NF1: variants seen among roughly 807,000 people sequenced by gnomAD.
NF1 encodes neurofibromin 1.
A neutral mutation model predicts 325.7 loss-of-function variants in NF1; 122 were observed. That is an observed-to-expected ratio of 0.37 (90% confidence interval 0.32 to 0.44). The LOEUF (loss-of-function observed/expected upper bound fraction) is 0.44. Among genes scored for constraint, NF1 ranks in the 20% least tolerant of loss-of-function variants. The probability of loss-of-function intolerance (pLI) is 1.00; values close to 1 mark genes in which losing one functional copy is unlikely to be tolerated. For missense variants in NF1, 2,140 were observed against 3,415.4 expected (o/e 0.63, Z 9.31); for synonymous variants, 1,091 against 1,186.0 (o/e 0.92, Z 1.65).
At chr17:31,364,166 T>C (rs1438229270) in intron 57 of NF1, among the ~76,000 whole-genome samples, 2 of 152,192 alleles carry the variant, frequency 1.3e-5, no homozygotes, top group East Asian at 1.9e-4. Flanking sequence ...AACATTTCCT[T>C]ATCTCCATTC....
chr17:31,116,488 A>G (rs1355890747), intron 1 of NF1, among the ~76,000 whole-genome samples: 1 of 152,098 alleles, frequency 6.6e-6, no homozygotes, highest in Non-Finnish European at 1.5e-5. Context: ...TGTCTAACCT[A>G]CCTGCTTAAG....
At chr17:31,314,080 A>T (rs1387322006) in intron 36 of NF1, 2 of 397,936 alleles carry the variant, frequency 5.0e-6, no homozygotes, top group Non-Finnish European at 8.9e-6. Context: ...ATTCAGATTT[A>T]AAATGTTCCT....
At chr17:31,173,002 C>G (rs2065957057) in intron 5 of NF1, among the ~76,000 whole-genome samples, 1 of 152,058 alleles carries the variant, frequency 6.6e-6, no homozygotes, top group Non-Finnish European at 1.5e-5. Flanking sequence ...GAAGTGGAGG[C>G]TGGGCGCAGT....
intron 51 of NF1, among the ~76,000 whole-genome samples, chr17:31,354,446 A>G (rs1289385352): frequency 1.3e-5 from 2 of 152,054 alleles, no homozygotes; most frequent in African/African-American, 4.8e-5. Context: ...TGAGATGAGA[A>G]GAAGGACTAG....
At chr17:31,140,688 T>C (rs918159763) in intron 1 of NF1, among the ~76,000 whole-genome samples, 3 of 152,180 alleles carry the variant, frequency 2.0e-5, no homozygotes, top group Admixed American at 1.3e-4. Context: ...AGCCAAGATA[T>C]GGAAACAACC....
intron 20 of NF1, among the ~76,000 whole-genome samples, chr17:31,228,790 G>T (rs2067060186): frequency 6.6e-6 from 1 of 152,136 alleles, no homozygotes; most frequent in Non-Finnish European, 1.5e-5. Flanking sequence ...GTTCATCCAT[G>T]TGAAATCAAA....
At chr17:31,197,275 T>C (rs888871513) in intron 8 of NF1, among the ~76,000 whole-genome samples, 2 of 151,338 alleles carry the variant, frequency 1.3e-5, no homozygotes, top group African/African-American at 4.9e-5. Flanking sequence ...CTCCATCTCC[T>C]GACCTCGTGA....
intron 1 of NF1, among the ~76,000 whole-genome samples, chr17:31,108,101 C>G (rs1420041093): frequency 2.0e-5 from 3 of 150,848 alleles, no homozygotes; most frequent in Admixed American, 6.6e-5. Flanking sequence ...CTACTACACT[C>G]CAGCATGGGT....
At chr17:31,111,272 A>G (rs1339723367) in intron 1 of NF1, among the ~76,000 whole-genome samples, 1 of 152,130 alleles carries the variant, frequency 6.6e-6, no homozygotes, top group Non-Finnish European at 1.5e-5. Context: ...GTGGAACATT[A>G]GTAAAAAGTC....
In NF1 at chr17:31,276,903, C is replaced by T. The variant is rs897625046; in HGVS notation, c.4835+11564C>T. Among the ~76,000 whole-genome samples, 11 of 149,480 alleles carry T rather than the reference C, an allele frequency of 7.4e-5. No homozygotes were observed. The South Asian group carries it at 2.2e-3, about 30-fold the overall frequency. ...GAATCTCCACGCAATGGAAAATCTACGTATAACTTTTGCCTCCCCAAAAAC... is the reference window on the plus strand; with the variant it reads ...GAATCTCCACGCAATGGAAAATCTATGTATAACTTTTGCCTCCCCAAAAAC... On this transcript the variant is annotated intron_variant, in intron 36 of 57. Transcript: ENST00000358273.
rs145234550 is a variant in NF1 at position 31,119,188 on chromosome 17, G to A, written c.60+23819G>A. Among the ~76,000 whole-genome samples, 5 of 152,080 alleles carry A rather than the reference G, an allele frequency of 3.3e-5. No homozygotes were observed. In the East Asian group the frequency reaches 7.7e-4, roughly 24 times the overall value. On this transcript the variant is annotated intron_variant, in intron 1 of 57. Coordinates refer to ENST00000358273, the MANE Select transcript of NF1 (RefSeq NM_001042492.3). ...GATCTCTTGACCTTGTAATCTGCCCGCCTCGGCCTCCCAAAGTGCTGGGAT... is the reference window on the plus strand; with the variant it reads ...GATCTCTTGACCTTGTAATCTGCCCACCTCGGCCTCCCAAAGTGCTGGGAT...
chr17:31,159,136 T>C, intron 3 of NF1, 43 bp downstream of exon 3: 4 of 1,281,362 alleles, frequency 3.1e-6, no homozygotes, highest in Non-Finnish European at 4.6e-6. Context: ...GTGAATTTGA[T>C]CTTGAGAATG....
intron 18 of NF1, among the ~76,000 whole-genome samples, 193 bp downstream of exon 18, chr17:31,226,877 T>C (rs1182416869): frequency 6.6e-6 from 1 of 152,218 alleles, no homozygotes; most frequent in Admixed American, 6.5e-5. Flanking sequence ...TTCCACTGAG[T>C]TGTTAATATG....
intron 36 of NF1, among the ~76,000 whole-genome samples, chr17:31,316,520 T>A (rs1408663584): frequency 2.6e-5 from 4 of 152,196 alleles, no homozygotes; most frequent in African/African-American, 9.7e-5. Context: ...TATGATGATA[T>A]TAATTTCTTT....
chr17:31,184,173 C>T (rs978121730), intron 8 of NF1, among the ~76,000 whole-genome samples: 22 of 152,080 alleles, frequency 1.4e-4, no homozygotes, highest in African/African-American at 4.3e-4. Context: ...CACTGATAGT[C>T]GTTGCTGTGA....
At chr17:31,104,422 T>C (rs539079842) in intron 1 of NF1, among the ~76,000 whole-genome samples, 2 of 152,342 alleles carry the variant, frequency 1.3e-5, no homozygotes, top group African/African-American at 4.8e-5. Flanking sequence ...GAGAATATTC[T>C]ATAGAAGTGG....
At chr17:31,103,968 G>C (rs1471427638) in intron 1 of NF1, among the ~76,000 whole-genome samples, 4 of 152,002 alleles carry the variant, frequency 2.6e-5, no homozygotes, top group Admixed American at 6.6e-5. Context: ...CTGCAGTGAG[G>C]CATGATTGCA....
intron 48 of NF1, among the ~76,000 whole-genome samples, chr17:31,344,700 A>G (rs139779391): frequency 1.1e-3 from 169 of 152,370 alleles, no homozygotes; most frequent in African/African-American, 3.8e-3. Flanking sequence ...GATTTCTCAA[A>G]AAATACTACC....
intron 8 of NF1, among the ~76,000 whole-genome samples, chr17:31,195,316 T>C (rs1032968611): frequency 6.6e-6 from 1 of 152,122 alleles, no homozygotes; most frequent in Non-Finnish European, 1.5e-5. Context: ...AATAACTCAT[T>C]AATCACCTTT....
Sources: gnomAD v4.1 joint callset for allele counts (sites outside exome capture counted in the v4.1 genomes callset) on GRCh38, gnomAD v4.1.1 for gene constraint, MANE v1.5 for transcripts, NCBI Gene and HGNC (gene_info 2026-07-23, HGNC 2026-07-21) for gene names.